The following ROBO2 variants were observed in gnomAD, a reference collection of about 807,000 sequenced individuals.
ROBO2 encodes the protein roundabout guidance receptor 2, also known as roundabout homolog 2.
Under a neutral mutation model 160.8 loss-of-function variants are expected in ROBO2, and 53 were observed. That is an observed-to-expected ratio of 0.33 (90% CI 0.26 to 0.41). The LOEUF (loss-of-function observed/expected upper bound fraction) is 0.41, where lower values mean the gene tolerates loss of function less well. ROBO2 is among the 10% of genes least tolerant of loss of function. The pLI is 1.00. For missense variants in ROBO2, 1,577 were observed against 1,722.4 expected (o/e 0.92, Z 1.49); for synonymous variants, 664 against 611.7 (o/e 1.09, Z -1.26).
chr3:76,761,473 T>C (rs1188365278), intron 2 of ROBO2, among the ~76,000 whole-genome samples: 2 of 151,750 alleles, frequency 1.3e-5, no homozygotes, highest in East Asian at 2.0e-4. Flanking sequence ...TGGGAAAATA[T>C]ATTATATGAT....
At chr3:75,963,881 A>G (rs1306919861) in intron 2 of ROBO2, among the ~76,000 whole-genome samples, 1 of 151,584 alleles carries the variant, frequency 6.6e-6, no homozygotes, top group Non-Finnish European at 1.5e-5. Flanking sequence ...TCCAAATTTT[A>G]TTTTATATGG....
intron 2 of ROBO2, among the ~76,000 whole-genome samples, chr3:76,643,660 G>T (rs912017015): frequency 1.7e-5 from 2 of 119,450 alleles, no homozygotes; most frequent in African/African-American, 7.0e-5. Flanking sequence ...CATAATTTAT[G>T]TCTACCCCTG....
chr3:77,291,003 G>A (rs1042817243), intron 2 of ROBO2, among the ~76,000 whole-genome samples: 1 of 149,734 alleles, frequency 6.7e-6, no homozygotes, highest in African/African-American at 2.4e-5. Flanking sequence ...CGGGTAAGCT[G>A]AGGCTAGATC....
intron 2 of ROBO2, among the ~76,000 whole-genome samples, chr3:76,563,082 C>T (rs1408298379): frequency 2.6e-5 from 4 of 152,060 alleles, no homozygotes; most frequent in Non-Finnish European, 5.9e-5. Flanking sequence ...TGAAAGTTTG[C>T]CTATCCTTTC....
chr3:76,713,569 T>TCAC (rs1478377347), intron 2 of ROBO2, among the ~76,000 whole-genome samples: 2 of 152,182 alleles, frequency 1.3e-5, no homozygotes, highest in Admixed American at 6.6e-5. Context: ...TTTTAAAAAC[T>TCAC]TACTTTTGAC....
intron 2 of ROBO2, among the ~76,000 whole-genome samples, chr3:76,432,609 C>A (rs559112768): frequency 6.6e-6 from 1 of 152,252 alleles, no homozygotes; most frequent in Non-Finnish European, 1.5e-5. Flanking sequence ...CTATGTGAAC[C>A]TCTCACGACA....
intron 2 of ROBO2, among the ~76,000 whole-genome samples, chr3:76,447,056 T>C (rs1357728972): frequency 6.6e-6 from 1 of 152,080 alleles, no homozygotes; most frequent in Non-Finnish European, 1.5e-5. Context: ...CTAATTAAAC[T>C]AAAGAGCTTC....
At chr3:76,109,018 G>T (rs943463935) in intron 2 of ROBO2, among the ~76,000 whole-genome samples, 6 of 151,094 alleles carry the variant, frequency 4.0e-5, no homozygotes, top group African/African-American at 1.2e-4. Context: ...ATCTTTTTTC[G>T]CAAGTAATAT....
At chr3:76,143,668 G>T (rs1296644027) in intron 2 of ROBO2, among the ~76,000 whole-genome samples, 34 of 151,984 alleles carry the variant, frequency 2.2e-4, no homozygotes, top group Non-Finnish European at 5.9e-5. Context: ...CCCCAAATCT[G>T]TATCAGTCAA....
At chr3:76,268,204 A>G (rs1298544998) in intron 2 of ROBO2, among the ~76,000 whole-genome samples, 1 of 149,050 alleles carries the variant, frequency 6.7e-6, no homozygotes, top group African/African-American at 2.4e-5. Flanking sequence ...CAGGAATTCA[A>G]GGCTGCAGTG....
intron 2 of ROBO2, among the ~76,000 whole-genome samples, chr3:75,951,080 T>C (rs1441850900): frequency 6.6e-6 from 1 of 152,092 alleles, no homozygotes; most frequent in African/African-American, 2.4e-5. Context: ...AACTCTTTTT[T>C]ATGTCAACCT....
intron 1 of ROBO2, among the ~76,000 whole-genome samples, chr3:77,075,643 A>C (rs1440671783): frequency 6.6e-6 from 1 of 150,906 alleles, no homozygotes. Context: ...GGAATGGTTC[A>C]AATATACACT....
rs116549395 is a variant in ROBO2 at position 77,379,748 on chromosome 3, C to A, written c.389-97666C>A. 1.9e-3 allele frequency among the ~76,000 whole-genome samples: 292 copies of A among 152,244 alleles called. 4 individuals carry two copies. Among genetic ancestry groups the A allele is most frequent in the African/African-American group, 6.4e-3 (265 of 41,534 alleles). The stretch of plus-strand genomic sequence containing the variant: ...TTCACTTCAATACACTCCTTCACTC[C>A]CGCAGAGCTTGCTCTTAGCTTCAGC... On this transcript the variant is annotated intron_variant, in intron 2 of 25. Coordinates refer to ENST00000461745, the Ensembl canonical transcript of ROBO2.
chr3:77,487,889 C>T (rs1055824009), intron 4 of ROBO2, among the ~76,000 whole-genome samples: 1 of 152,090 alleles, frequency 6.6e-6, no homozygotes, highest in Non-Finnish European at 1.5e-5. Context: ...TGTTACCACA[C>T]AGTGATTGAC....
intron 2 of ROBO2, among the ~76,000 whole-genome samples, chr3:76,741,964 G>C (rs567399419): frequency 1.3e-5 from 2 of 152,046 alleles, no homozygotes; most frequent in Admixed American, 1.3e-4. Context: ...TCTGTGAGTG[G>C]TGGATGATGT....
intron 2 of ROBO2, among the ~76,000 whole-genome samples, chr3:76,279,610 C>G (rs1299546572): frequency 6.6e-6 from 1 of 151,868 alleles, no homozygotes; most frequent in Non-Finnish European, 1.5e-5. Flanking sequence ...TATGACCCAC[C>G]TATATTTAAT....
intron 2 of ROBO2, among the ~76,000 whole-genome samples, chr3:77,299,312 C>G (rs1046140509): frequency 1.5e-4 from 23 of 151,998 alleles, no homozygotes; most frequent in African/African-American, 5.6e-4. Context: ...TAAGAGAGAG[C>G]GAAGACTAGT....
At chr3:77,281,037 G>A (rs886102406) in intron 2 of ROBO2, among the ~76,000 whole-genome samples, 2 of 152,130 alleles carry the variant, frequency 1.3e-5, no homozygotes, top group Non-Finnish European at 2.9e-5. Context: ...AATAATCAAT[G>A]TCTCTGAGGA....
At chr3:76,580,354 G>GTTTTTTTTTTTTTT (rs1457222056) in intron 2 of ROBO2, among the ~76,000 whole-genome samples, 2 of 46,360 alleles carry the variant, frequency 4.3e-5, no homozygotes, top group African/African-American at 7.6e-5. Flanking sequence ...TTTTTTTTTT[G>GTTTTTTTTTTTTTT]TTTTTTTTTT....
Sources: allele counts gnomAD v4.1 joint callset (sites outside exome capture counted in the v4.1 genomes callset), GRCh38; gene constraint gnomAD v4.1.1; transcripts MANE v1.5; gene names NCBI Gene and HGNC (gene_info 2026-07-23, HGNC 2026-07-21).